MAGI2: variants seen among roughly 807,000 people sequenced by gnomAD.
The protein encoded by MAGI2 is membrane-associated guanylate kinase, WW and PDZ domain-containing protein 2.
In MAGI2, 35 loss-of-function variants were observed where a neutral mutation model predicts 133.3. The ratio of observed to expected loss-of-function variants is 0.26; its 90% CI spans 0.20 to 0.35. The LOEUF (loss-of-function observed/expected upper bound fraction) is 0.35, where lower values mean the gene tolerates loss of function less well. Among genes scored for constraint, MAGI2 ranks in the 10% least tolerant of loss-of-function variants. The pLI is 1.00. For missense variants in MAGI2, 1,636 were observed against 1,863.4 expected (o/e 0.88, Z 2.25); for synonymous variants, 729 against 710.6 (o/e 1.03, Z -0.41).
chr7:78,865,087 T>C (rs563199032), intron 2 of MAGI2, among the ~76,000 whole-genome samples: 3 of 152,300 alleles, frequency 2.0e-5, no homozygotes, highest in South Asian at 2.1e-4. Flanking sequence ...CATAACCTGC[T>C]TCCGTATAAA....
At chr7:79,317,551 A>G (rs1159617064) in intron 1 of MAGI2, among the ~76,000 whole-genome samples, 2 of 152,220 alleles carry the variant, frequency 1.3e-5, no homozygotes, top group African/African-American at 4.8e-5. Flanking sequence ...CATCAGGGAT[A>G]TCAAAGTAAT....
intron 9 of MAGI2, among the ~76,000 whole-genome samples, chr7:78,291,797 T>A (rs976757377): frequency 6.6e-6 from 1 of 152,182 alleles, no homozygotes; most frequent in East Asian, 1.9e-4. Flanking sequence ...TCAATAAATG[T>A]AATTCAGCAT....
At chr7:78,954,750 G>C (rs1802152284) in intron 2 of MAGI2, among the ~76,000 whole-genome samples, 1 of 152,118 alleles carries the variant, frequency 6.6e-6, no homozygotes, top group Non-Finnish European at 1.5e-5. Context: ...TTTACTGCGT[G>C]TTAATAGATG....
intron 20 of MAGI2, among the ~76,000 whole-genome samples, chr7:78,083,423 AG>A (rs1816264882): frequency 6.8e-6 from 1 of 146,816 alleles, no homozygotes; most frequent in African/African-American, 2.5e-5. Flanking sequence ...AGAGAGAGAG[AG>A]AGAGAGACAG....
intron 1 of MAGI2, among the ~76,000 whole-genome samples, chr7:79,217,210 C>G (rs948187028): frequency 2.6e-5 from 4 of 151,834 alleles, no homozygotes; most frequent in Non-Finnish European, 5.9e-5. Context: ...AAGATGAATC[C>G]TGATAAAGGA....
intron 3 of MAGI2, among the ~76,000 whole-genome samples, chr7:78,600,520 A>T (rs1664617936): frequency 6.6e-6 from 1 of 152,202 alleles, no homozygotes; most frequent in African/African-American, 2.4e-5. Context: ...TGTAGAAAAT[A>T]GCATTCACTA....
At chr7:78,663,697 A>G (rs1010289701) in intron 2 of MAGI2, among the ~76,000 whole-genome samples, 3 of 152,208 alleles carry the variant, frequency 2.0e-5, no homozygotes. Flanking sequence ...CACTGATTCA[A>G]TGGAAGGAAA....
At chr7:78,540,937 A>G (rs1798365730) in intron 3 of MAGI2, among the ~76,000 whole-genome samples, 1 of 152,218 alleles carries the variant, frequency 6.6e-6, no homozygotes, top group African/African-American at 2.4e-5. Flanking sequence ...GGGCACTCAC[A>G]GTTTTTCAGC....
In MAGI2 at chr7:78,135,105, T is replaced by C; in HGVS notation, c.2947A>G (p.Ile983Val). 5 of 1,614,152 alleles carry C rather than the reference T, an allele frequency of 3.1e-6. No individual in the cohort carries two copies. The highest frequency in any genetic ancestry group is 2.5e-6 in the Non-Finnish European group (3 of 1,180,000). ...ATGTCAGCGTGAGGCATGTTGATGA[T>C]AGACTGGCCATTCACTGCTAGGATC... ...DRILAVNGQS[I>V]INMPHADIVK... The change falls in exon 17 of 22, where the codon ATC (isoleucine) becomes GTC (valine). Residue 983 changes from isoleucine to valine, a missense_variant. Around this residue, in one of 5 missense-constraint regions of MAGI2, gnomAD observed 920 missense variants for 1,093.5 expected, o/e 0.84. Transcript: ENST00000354212.
chr7:78,277,122 TA>T (rs1244801004), intron 9 of MAGI2, among the ~76,000 whole-genome samples: 4 of 152,166 alleles, frequency 2.6e-5, no homozygotes, highest in South Asian at 2.1e-4. Flanking sequence ...ATTTTTGTCA[TA>T]AAAAATAATT....
chr7:78,312,558 A>G lies in MAGI2; in HGVS notation c.1408+31220T>C, dbSNP rs138676070. ...AAAAATAAATAGCCCCATAAAGACG[A>G]GAATAAACATTTTTCAAAATAAGAC... is the stretch of plus-strand genomic sequence containing the variant. On this transcript the variant is annotated intron_variant, in intron 9 of 21. Transcript: ENST00000354212. 7.9e-5 allele frequency among the ~76,000 whole-genome samples: 12 copies of G among 152,304 alleles called. No individual in the cohort carries two copies. The East Asian group carries it at 2.3e-3, about 29-fold the overall frequency.
intron 2 of MAGI2, among the ~76,000 whole-genome samples, chr7:78,865,390 A>C (rs1402174686): frequency 8.5e-5 from 13 of 152,182 alleles, no homozygotes; most frequent in African/African-American, 3.1e-4. Flanking sequence ...TGAGGGACTG[A>C]GGGAAATATA....
intron 1 of MAGI2, among the ~76,000 whole-genome samples, chr7:79,092,146 AAG>A (rs1033208748): frequency 5.5e-4 from 83 of 152,266 alleles, no homozygotes; most frequent in African/African-American, 1.9e-3. Flanking sequence ...TCAGTAATAA[AAG>A]AGGAAAGAAA....
intron 20 of MAGI2, among the ~76,000 whole-genome samples, chr7:78,094,592 C>G (rs1224072710): frequency 1.3e-5 from 2 of 152,162 alleles, no homozygotes; most frequent in African/African-American, 4.8e-5. Context: ...ATTCCACTGG[C>G]CTGTCCTGAC....
rs139520959 is a variant in MAGI2 at position 78,398,248 on chromosome 7, A to G, written c.1046-29035T>C. On this transcript the variant is annotated intron_variant, in intron 6 of 21. Transcript: ENST00000354212. ...GACTCAGATAATAATATCTGTTCTTATAAGAGAACAGCTGAAGTGACTCGA... is the reference window on the plus strand; with the variant it reads ...GACTCAGATAATAATATCTGTTCTTGTAAGAGAACAGCTGAAGTGACTCGA... Among the ~76,000 whole-genome samples, 101 of 152,314 alleles carry G rather than the reference A, an allele frequency of 6.6e-4. 1 individual carries two copies. Among genetic ancestry groups the G allele is most frequent in the African/African-American group, 2.3e-3 (95 of 41,586 alleles).
intron 9 of MAGI2, among the ~76,000 whole-genome samples, chr7:78,260,913 T>C (rs897718464): frequency 2.6e-5 from 4 of 152,158 alleles, no homozygotes; most frequent in African/African-American, 9.7e-5. Flanking sequence ...AAATACAGAA[T>C]AGGATACCTC....
intron 9 of MAGI2, among the ~76,000 whole-genome samples, chr7:78,327,914 T>G (rs890819609): frequency 6.6e-6 from 1 of 152,156 alleles, no homozygotes; most frequent in Non-Finnish European, 1.5e-5. Flanking sequence ...CAGCAAGACA[T>G]GTAGTCATAA....
At chr7:78,949,026 TC>T (rs1801661517) in intron 2 of MAGI2, among the ~76,000 whole-genome samples, 1 of 152,052 alleles carries the variant, frequency 6.6e-6, no homozygotes, top group Non-Finnish European at 1.5e-5. Flanking sequence ...TAAAAAAACT[TC>T]AATATTTTAA....
At chr7:78,275,451 G>A (rs1349632433) in intron 9 of MAGI2, among the ~76,000 whole-genome samples, 1 of 152,032 alleles carries the variant, frequency 6.6e-6, no homozygotes, top group Non-Finnish European at 1.5e-5. Context: ...TTATTCACAA[G>A]TTGTGGCCCA....
Sources: allele counts gnomAD v4.1 joint callset (sites outside exome capture counted in the v4.1 genomes callset), GRCh38; gene constraint gnomAD v4.1.1; regional missense constraint gnomAD v4.1.1; transcripts MANE v1.5; gene names NCBI Gene and HGNC (gene_info 2026-07-23, HGNC 2026-07-21).